Variants in TXNL1 observed in about 807,000 individuals in gnomAD.
TXNL1 encodes the protein thioredoxin-like protein 1.
In TXNL1, 14 loss-of-function variants were observed where a neutral mutation model predicts 35.5. The observed-to-expected ratio is 0.39, with a 90% CI of 0.26 to 0.62. The LOEUF (loss-of-function observed/expected upper bound fraction) is 0.62, where lower values mean the gene tolerates loss of function less well. Among genes scored for constraint, TXNL1 ranks in the 20% least tolerant of loss-of-function variants. TXNL1 has a pLI of 0.47. For missense variants in TXNL1, 263 were observed against 349.7 expected, an observed-to-expected ratio of 0.75 and a Z score of 1.98; for synonymous variants, 110 against 115.5, an observed-to-expected ratio of 0.95 and a Z score of 0.31.
chr18:56,631,857 T>C (rs1351683023), intron 1 of TXNL1, among the ~76,000 whole-genome samples: 2 of 146,894 alleles, frequency 1.4e-5, no homozygotes, highest in African/African-American at 5.1e-5. Context: ...GAGGCAGAGG[T>C]CACAGTGAGA....
chr18:56,636,345 A>G (rs920541326), intron 1 of TXNL1, among the ~76,000 whole-genome samples: 2 of 152,180 alleles, frequency 1.3e-5, no homozygotes, highest in African/African-American at 4.8e-5. Context: ...TTCTTACAAG[A>G]TTTTACTGAA....
rs2024080655 is a variant in TXNL1 at position 56,616,039 on chromosome 18, G to A, written c.562+206C>T. Among the ~76,000 whole-genome samples, 3 of 151,544 alleles carry A rather than the reference G, an allele frequency of 2.0e-5. No individual in the cohort carries two copies. The South Asian group carries it at 6.3e-4, about 32-fold the overall frequency. On this transcript the variant is annotated intron_variant, in intron 5 of 7. Transcript: ENST00000217515. Reference sequence around the variant, plus strand: ...CCCAGCTACCTGGGAGGCAGAGGTGGGAGAATCACTTGAACCCAGGAGGCA... The same window carrying A: ...CCCAGCTACCTGGGAGGCAGAGGTGAGAGAATCACTTGAACCCAGGAGGCA...
Position 56,599,536 on chromosome 18 carries a change from T to G in TXNL1, c.*3491A>C, listed in dbSNP as rs1450623687. On this transcript the variant is annotated 3_prime_UTR_variant, in exon 8 of 8. Transcript: ENST00000217515. The stretch of plus-strand genomic sequence containing the variant: ...TAAATGAGCAAAATATTCCTCTAGT[T>G]TTTCTTTAGCAGTTCTGTGAATGGA... 1 of 152,112 alleles carries G rather than the reference T, an allele frequency of 6.6e-6. No individual in the cohort carries two copies. The highest frequency in any genetic ancestry group is 1.9e-4 in the East Asian group (1 of 5,198). The allele number at this position is 152,112 out of a possible 1,614,324, so 9.4% of individuals were successfully genotyped here. A position where few individuals can be genotyped will look rare whatever the true frequency, so the allele number is the denominator to read the frequency against.
Position 56,614,486 on chromosome 18 carries a change from TATC to T in TXNL1, c.670_672del (p.Asp224del). 1 of 1,614,010 alleles carries T rather than the reference TATC, an allele frequency of 6.2e-7. No homozygotes were observed. Among genetic ancestry groups the T allele is most frequent in the Non-Finnish European group, 8.5e-7 (1 of 1,179,946 alleles). On this transcript the variant is annotated inframe_deletion, in exon 6 of 8. Coordinates refer to ENST00000217515, the MANE Select transcript of TXNL1 (RefSeq NM_004786.3). ...AGTGGAACAATGCCATCTTCTTTAA[TATC>T]ATCCTCTGTCAGTTCCAGAGCTTGA...
chr18:56,606,560 T>C (rs530366834), intron 7 of TXNL1, among the ~76,000 whole-genome samples: 18 of 152,290 alleles, frequency 1.2e-4, no homozygotes, highest in Middle Eastern at 3.4e-3. Context: ...TAGCTGCCTG[T>C]TGAACTGTCC....
intron 5 of TXNL1, 31 bp downstream of exon 5, chr18:56,616,214 T>G: frequency 6.3e-7 from 1 of 1,585,114 alleles, no homozygotes; most frequent in Non-Finnish European, 8.6e-7. Context: ...AAAGCAGAAG[T>G]TAGTTTAAAG....
chr18:56,608,635 C>T (rs967049818), intron 7 of TXNL1: 2 of 152,190 alleles, frequency 1.3e-5, no homozygotes, highest in African/African-American at 4.8e-5. Context: ...CTCTTATTCT[C>T]TTCACAAGTA....
chr18:56,632,936 T>C (rs1203736435), intron 1 of TXNL1, among the ~76,000 whole-genome samples: 2 of 152,186 alleles, frequency 1.3e-5, no homozygotes, highest in African/African-American at 4.8e-5. Context: ...TAAACTTCCT[T>C]CAGTTATCAG....
In TXNL1 at chr18:56,618,023, T is replaced by G. The variant is rs368378432; in HGVS notation, c.473A>C (p.Glu158Ala). Residue 158 changes from glutamate to alanine, a missense_variant, in exon 4 of 8, where the codon GAA becomes GCA. Physicochemically the swap from Glu to Ala is moderately radical, Grantham distance 107. Transcript: ENST00000217515. Reference sequence around the variant, plus strand: ...AATTACCTGTTCATCACAGTCAGATTCCAAGAAGGTTGTGTCTTTTCGTAA... The same window carrying G: ...AATTACCTGTTCATCACAGTCAGATGCCAAGAAGGTTGTGTCTTTTCGTAA... ...NCLRKDTTFLESDCDEQLLIT... is the reference protein window; with the variant it reads ...NCLRKDTTFLASDCDEQLLIT... The G allele has an allele frequency of 5.6e-6, 9 of 1,613,888 alleles. No individual in the cohort carries two copies. The highest frequency in any genetic ancestry group is 7.6e-6 in the Non-Finnish European group (9 of 1,179,962).
rs1431809567 is a variant in TXNL1 at position 56,614,459 on chromosome 18, G to A, written c.700C>T (p.Arg234Cys). Residue 234 changes from arginine (R) to cysteine (C), a missense_variant, in exon 6 of 8, where the codon CGT (arginine) becomes TGT (cysteine). By Grantham distance (180) the Arg-to-Cys change is radical. Transcript: ENST00000217515. ...DIKEDGIVPL[R>C]YVKFQNVNSV... ...TTAACATTCTGAAACTTAACATAAC[G>A]AAGTGGAACAATGCCATCTTCTTTA... The A allele has an allele frequency of 1.9e-6, 3 of 1,613,686 alleles. No homozygotes were observed. The highest frequency in any genetic ancestry group is 2.2e-5 in the East Asian group (1 of 44,822).
chr18:56,630,613 C>T (rs1035192105), intron 1 of TXNL1, among the ~76,000 whole-genome samples: 4 of 152,224 alleles, frequency 2.6e-5, no homozygotes, highest in Non-Finnish European at 4.4e-5. Flanking sequence ...ATCACATTGA[C>T]ATCTCTCTAT....
intron 3 of TXNL1, among the ~76,000 whole-genome samples, chr18:56,622,468 T>G (rs1331061166): frequency 6.6e-6 from 1 of 152,182 alleles, no homozygotes; most frequent in East Asian, 1.9e-4. Flanking sequence ...TATATAAGAT[T>G]ACCAAATTTA....
chr18:56,603,693 T>G (rs2023843709), intron 7 of TXNL1, among the ~76,000 whole-genome samples: 1 of 152,128 alleles, frequency 6.6e-6, no homozygotes, highest in Non-Finnish European at 1.5e-5. Flanking sequence ...AGCATAAAAA[T>G]GTGAAGAATA....
At chr18:56,623,667 T>G (rs542136458) in intron 3 of TXNL1, among the ~76,000 whole-genome samples, 5 of 152,200 alleles carry the variant, frequency 3.3e-5, no homozygotes, top group Non-Finnish European at 7.4e-5. Context: ...CTATTTATAC[T>G]CTGCAGTTTC....
intron 7 of TXNL1, chr18:56,609,827 C>T (rs2023962320): frequency 6.6e-6 from 1 of 152,194 alleles, no homozygotes; most frequent in Non-Finnish European, 1.5e-5. Context: ...CTAGACATAA[C>T]AGCTCTAAAG....
intron 1 of TXNL1, among the ~76,000 whole-genome samples, chr18:56,627,965 A>G (rs546582034): frequency 1.3e-5 from 2 of 152,266 alleles, no homozygotes; most frequent in Admixed American, 1.3e-4. Flanking sequence ...AAGTATTTGC[A>G]AAACATATCA....
chr18:56,621,866 G>C (rs942057119), intron 3 of TXNL1, among the ~76,000 whole-genome samples: 1 of 151,864 alleles, frequency 6.6e-6, no homozygotes, highest in African/African-American at 2.4e-5. Context: ...TGGGTGTGGT[G>C]GTGGGCACCT....
chr18:56,612,875 A>ATT (rs879583282), intron 6 of TXNL1, among the ~76,000 whole-genome samples: 3 of 146,598 alleles, frequency 2.0e-5, no homozygotes, highest in Admixed American at 6.8e-5. Flanking sequence ...CTTGATTATA[A>ATT]TTTTTTTTTT....
intron 1 of TXNL1, among the ~76,000 whole-genome samples, chr18:56,634,273 G>A (rs553215882): frequency 6.6e-6 from 1 of 152,302 alleles, no homozygotes; most frequent in African/African-American, 2.4e-5. Context: ...CAGATACACA[G>A]AGATGAACGT....
Sources: gnomAD v4.1 joint callset for allele counts (sites outside exome capture counted in the v4.1 genomes callset) on GRCh38, gnomAD v4.1.1 for gene constraint, MANE v1.5 for transcripts, NCBI Gene and HGNC (gene_info 2026-07-23, HGNC 2026-07-21) for gene names.